Variants in JMJD1C observed in about 807,000 individuals in gnomAD.
JMJD1C encodes jumonji domain containing 1C.
Under a neutral mutation model 245.3 loss-of-function variants are expected in JMJD1C, and 31 were observed. The observed-to-expected ratio is 0.13, with a 90% CI of 0.09 to 0.17. The LOEUF is 0.17. Among genes scored for constraint, JMJD1C ranks in the 10% least tolerant of loss-of-function variants. The pLI is 1.00. For missense variants in JMJD1C, 2,691 were observed against 3,000.2 expected, an observed-to-expected ratio of 0.90 and a Z score of 2.41; for synonymous variants, 1,057 against 1,017.4, an observed-to-expected ratio of 1.04 and a Z score of -0.74.
intron 2 of JMJD1C, among the ~76,000 whole-genome samples, chr10:63,292,143 G>GTTTTTTTTTT (rs1396774570): frequency 3.0e-4 from 4 of 13,510 alleles, no homozygotes; most frequent in African/African-American, 8.5e-4. Context: ...TGTAGAGACA[G>GTTTTTTTTTT]ATTTTTTTTT....
chr10:63,429,280 G>C (rs959853134), intron 1 of JMJD1C, among the ~76,000 whole-genome samples: 1 of 151,998 alleles, frequency 6.6e-6, no homozygotes, highest in African/African-American at 2.4e-5. Flanking sequence ...AGCCCAGCCT[G>C]ACAGGTCTTT....
chr10:63,245,587 A>G (rs1852104974), intron 3 of JMJD1C, among the ~76,000 whole-genome samples: 1 of 147,706 alleles, frequency 6.8e-6, no homozygotes, highest in East Asian at 2.0e-4. Flanking sequence ...GGTTCAAGCA[A>G]TTCTCCTGCC....
intron 1 of JMJD1C, among the ~76,000 whole-genome samples, chr10:63,461,264 T>C (rs1244047956): frequency 6.6e-6 from 1 of 152,216 alleles, no homozygotes; most frequent in Non-Finnish European, 1.5e-5. Context: ...CCAATTTTGC[T>C]ATAGTAAACC....
rs188816153 is a variant in JMJD1C at position 63,277,652 on chromosome 10, A to G, written c.334-12888T>C. On this transcript the variant is annotated intron_variant, in intron 2 of 25. Transcript: ENST00000399262. ...GGGGTATCTTGAGCCAACAATGGAT[A>G]ATCAGTATAATGAAAATTTTTAAAA... 9.8e-4 allele frequency among the ~76,000 whole-genome samples: 149 copies of G among 152,080 alleles called. 2 individuals are homozygous for G. Among genetic ancestry groups the G allele is most frequent in the Non-Finnish European group, 4.0e-4 (27 of 67,988 alleles).
rs542521879 is a variant in JMJD1C at position 63,271,553 on chromosome 10, TA to T, written c.334-6790del. On this transcript the variant is annotated intron_variant, in intron 2 of 25. Coordinates refer to ENST00000399262, the MANE Select transcript of JMJD1C (RefSeq NM_032776.3). ...AGTAAATCTAAAAATTCATGCTAAT[TA>T]AAAAAAATTTTTTTGAGATAGAGTT... Among the ~76,000 whole-genome samples the T allele has an allele frequency of 5.3e-5, 8 of 152,098 alleles. No homozygotes were observed. In the East Asian group the frequency reaches 1.2e-3, roughly 22 times the overall value.
In JMJD1C at chr10:63,207,958, T is replaced by C. The variant is rs1846851902; in HGVS notation, c.3711A>G (p.Pro1237=). 1 of 1,614,188 alleles carries C rather than the reference T, an allele frequency of 6.2e-7. No homozygotes were observed. Among genetic ancestry groups the C allele is most frequent in the African/African-American group, 1.3e-5 (1 of 75,070 alleles). Residue 1237 remains proline (P), a synonymous_variant, in exon 10 of 26, where the codon CCA becomes CCG. Coordinates refer to ENST00000399262, the MANE Select transcript of JMJD1C (RefSeq NM_032776.3). ...CTTGAACTTTACCACCAGCATTTAC[T>C]GGCATCACCGGAGTTAAAGTTGGAG... ...LSPPTLTPVM[P]VNAGGKVQES...
chr10:63,231,744 A>G (rs1198928421), intron 3 of JMJD1C, among the ~76,000 whole-genome samples: 2 of 152,172 alleles, frequency 1.3e-5, no homozygotes, highest in African/African-American at 4.8e-5. Flanking sequence ...TGGTGCACCA[A>G]TATTGTGCCA....
intron 8 of JMJD1C, among the ~76,000 whole-genome samples, chr10:63,212,717 A>C (rs751002334): frequency 2.0e-5 from 3 of 152,046 alleles, no homozygotes; most frequent in Non-Finnish European, 2.9e-5. Flanking sequence ...AGAATATAAC[A>C]ATTTGTTTTT....
At chr10:63,258,550 A>G in intron 3 of JMJD1C, among the ~76,000 whole-genome samples, 1 of 152,166 alleles carries the variant, frequency 6.6e-6, no homozygotes, top group Admixed American at 6.6e-5. Flanking sequence ...ACTGTCCCCT[A>G]AAATACTTCA....
At chr10:63,332,217 C>A (rs952664751) in intron 2 of JMJD1C, among the ~76,000 whole-genome samples, 2 of 152,064 alleles carry the variant, frequency 1.3e-5, no homozygotes, top group African/African-American at 2.4e-5. Flanking sequence ...ATGACTCCCA[C>A]AAGAAAATGC....
intron 2 of JMJD1C, among the ~76,000 whole-genome samples, chr10:63,320,008 C>T (rs1191640481): frequency 6.6e-6 from 1 of 152,152 alleles, no homozygotes; most frequent in Non-Finnish European, 1.5e-5. Flanking sequence ...TCAGGTGATC[C>T]ACCCGCCTCA....
At chr10:63,389,444 C>CA (rs1411694478) in intron 1 of JMJD1C, among the ~76,000 whole-genome samples, 3 of 139,910 alleles carry the variant, frequency 2.1e-5, no homozygotes, top group Non-Finnish European at 4.7e-5. Context: ...TTTTGTTTTT[C>CA]TTTTTTTTTT....
intron 1 of JMJD1C, among the ~76,000 whole-genome samples, chr10:63,424,480 A>G (rs1950313699): frequency 6.6e-6 from 1 of 151,166 alleles, no homozygotes; most frequent in African/African-American, 2.4e-5. Context: ...TAACTTACAC[A>G]AAAACCATTA....
At chr10:63,341,506 T>A (rs1943376020) in intron 2 of JMJD1C, among the ~76,000 whole-genome samples, 1 of 152,202 alleles carries the variant, frequency 6.6e-6, no homozygotes, top group Non-Finnish European at 1.5e-5. Context: ...CAAAAACTTG[T>A]GTCCTCCCTG....
At chr10:63,266,914 C>G (rs1855643452) in intron 2 of JMJD1C, among the ~76,000 whole-genome samples, 1 of 152,048 alleles carries the variant, frequency 6.6e-6, no homozygotes, top group Non-Finnish European at 1.5e-5. Flanking sequence ...GGCCAGAGTT[C>G]TAAGGGTAAA....
At chr10:63,284,039 G>T (rs1213006308) in intron 2 of JMJD1C, among the ~76,000 whole-genome samples, 4 of 151,240 alleles carry the variant, frequency 2.6e-5, no homozygotes, top group Non-Finnish European at 5.9e-5. Context: ...TGTTTTTTGG[G>T]AGGGGGGACG....
intron 2 of JMJD1C, among the ~76,000 whole-genome samples, chr10:63,289,936 AAG>A (rs1032152719): frequency 2.0e-5 from 3 of 152,060 alleles, no homozygotes; most frequent in Non-Finnish European, 2.9e-5. Context: ...TATATAATAA[AAG>A]AGTATGAAAA....
In JMJD1C at chr10:63,337,624, A is replaced by AAAAGAAAAGAAAAGAAAAG. The variant is rs139374030; in HGVS notation, c.333+42693_333+42694insCTTTTCTTTTCTTTTCTTT. On this transcript the variant is annotated intron_variant, in intron 2 of 25. Transcript: ENST00000399262. The stretch of plus-strand genomic sequence containing the variant: ...AAAAGAAAAGAAAAGAAAAGAAAAG[A>AAAAGAAAAGAAAAGAAAAG]AAAAGAAAAGAAAAAAAATCCGCTA... Among the ~76,000 whole-genome samples the AAAAGAAAAGAAAAGAAAAG allele has an allele frequency of 4.6e-4, 28 of 60,222 alleles. 2 individuals carry two copies. Among genetic ancestry groups the AAAAGAAAAGAAAAGAAAAG allele is most frequent in the African/African-American group, 2.0e-3 (27 of 13,526 alleles). The allele number at this position is 60,222 out of a possible 152,430, so 39.5% of individuals were successfully genotyped here. A position where few individuals can be genotyped will look rare whatever the true frequency, so the allele number is the denominator to read the frequency against.
At chr10:63,222,375 C>G (rs760199162) in intron 3 of JMJD1C, 2 of 1,005,712 alleles carry the variant, frequency 2.0e-6, no homozygotes, top group South Asian at 2.5e-5. Context: ...TTCAGTACAG[C>G]TGGATGTCAT....
Sources: gnomAD v4.1 joint callset for allele counts (sites outside exome capture counted in the v4.1 genomes callset) on GRCh38, gnomAD v4.1.1 for gene constraint, MANE v1.5 for transcripts, NCBI Gene and HGNC (gene_info 2026-07-23, HGNC 2026-07-21) for gene names.